FGF13: variants seen among roughly 807,000 people sequenced by gnomAD.
The protein encoded by FGF13 is fibroblast growth factor homologous factor 2.
A neutral mutation model predicts 19.5 loss-of-function variants in FGF13; 2 were observed. That is an observed-to-expected ratio of 0.10 (90% CI 0.04 to 0.32). The LOEUF (loss-of-function observed/expected upper bound fraction) is 0.32, where lower values mean the gene tolerates loss of function less well. FGF13 is among the 10% of genes least tolerant of loss of function. The pLI is 1.00. For synonymous variants in FGF13, 72 were observed against 76.9 expected (o/e 0.94, Z 0.33); for missense variants, 113 against 192.7 (o/e 0.59, Z 2.45).
At chrX:138,886,596 T>C (rs149604699) in intron 1 of FGF13, among the ~76,000 whole-genome samples, 5,096 of 111,750 alleles carry the variant, frequency 0.046, 306 homozygotes, top group African/African-American at 0.15. Flanking sequence ...CTTTCTCAGC[T>C]TTGTTTTCTC....
intron 3 of FGF13, among the ~76,000 whole-genome samples, chrX:138,831,784 A>G: frequency 9.0e-6 from 1 of 110,924 alleles, no homozygotes; most frequent in African/African-American, 3.3e-5. Flanking sequence ...TTCAGGTACT[A>G]AGCCAAGTAC....
intron 1 of FGF13, among the ~76,000 whole-genome samples, chrX:139,088,087 T>G (rs1159562452): frequency 9.0e-6 from 1 of 111,614 alleles, no homozygotes; most frequent in Non-Finnish European, 1.9e-5. Flanking sequence ...CCATTTGGAG[T>G]CTGACGTGAA....
intron 1 of FGF13, among the ~76,000 whole-genome samples, chrX:139,081,106 C>G (rs1603188336): frequency 9.0e-6 from 1 of 111,116 alleles, no homozygotes; most frequent in African/African-American, 3.3e-5. Flanking sequence ...CGTTTCCTCC[C>G]ATTCTCTTTT....
chrX:139,075,230 C>A (rs1445588356), intron 1 of FGF13, among the ~76,000 whole-genome samples: 2 of 111,696 alleles, frequency 1.8e-5, no homozygotes, highest in Admixed American at 9.5e-5. Flanking sequence ...CAGACTCTAT[C>A]TTCCCATTCT....
intron 3 of FGF13, among the ~76,000 whole-genome samples, chrX:138,680,684 T>C (rs1437945497): frequency 9.0e-6 from 1 of 111,712 alleles, no homozygotes; most frequent in Non-Finnish European, 1.9e-5. Flanking sequence ...ATTTATAGAT[T>C]AGAAGTAGAG....
chrX:139,182,551 T>C (rs903442266), intron 1 of FGF13, among the ~76,000 whole-genome samples: 11 of 112,147 alleles, frequency 9.8e-5, no homozygotes, highest in African/African-American at 3.2e-4. Flanking sequence ...CTGCAGGCTC[T>C]CCTGCTGATT....
intron 3 of FGF13, among the ~76,000 whole-genome samples, chrX:138,762,907 T>C (rs2090477405): frequency 1.8e-5 from 2 of 111,676 alleles, no homozygotes. Flanking sequence ...AGCCCAGGAA[T>C]GCTGGATCTC....
chrX:139,128,484 G>A (rs1370338376), intron 1 of FGF13, among the ~76,000 whole-genome samples: 1 of 111,990 alleles, frequency 8.9e-6, no homozygotes, highest in African/African-American at 3.2e-5. Flanking sequence ...TGTCTGGGGT[G>A]CCTGCTGTCT....
At chrX:139,016,015 A>G (rs1377213724) in intron 1 of FGF13, among the ~76,000 whole-genome samples, 1 of 111,565 alleles carries the variant, frequency 9.0e-6, no homozygotes, top group Non-Finnish European at 1.9e-5. Flanking sequence ...ATGCAAAAGA[A>G]TGAAACTAGA....
intron 1 of FGF13, among the ~76,000 whole-genome samples, chrX:139,055,880 C>T (rs1018849762): frequency 8.9e-6 from 1 of 112,561 alleles, no homozygotes; most frequent in Admixed American, 9.4e-5. Flanking sequence ...AATGTCTTAT[C>T]TTTCTTAGTG....
chrX:138,843,453 A>T (rs1274441397), intron 3 of FGF13, among the ~76,000 whole-genome samples: 1 of 112,292 alleles, frequency 8.9e-6, no homozygotes, highest in Non-Finnish European at 1.9e-5. Flanking sequence ...AGTATTGGAT[A>T]TGCTAAGGAA....
At chrX:139,016,337 A>C (rs1259977842) in intron 1 of FGF13, among the ~76,000 whole-genome samples, 2 of 111,663 alleles carry the variant, frequency 1.8e-5, no homozygotes, top group Non-Finnish European at 3.8e-5. Flanking sequence ...CTATTTTTGC[A>C]AATAGTGAAG....
chrX:138,776,412 C>T (rs1279073978), intron 3 of FGF13, among the ~76,000 whole-genome samples: 2 of 111,852 alleles, frequency 1.8e-5, no homozygotes, highest in Admixed American at 1.9e-4. Flanking sequence ...ATATTAAATG[C>T]ATTTTCAAAT....
At chrX:138,675,598 T>A (rs2089656893) in intron 3 of FGF13, among the ~76,000 whole-genome samples, 1 of 111,485 alleles carries the variant, frequency 9.0e-6, no homozygotes, top group Non-Finnish European at 1.9e-5. Context: ...TATTACAAAT[T>A]CTATTTACTA....
intron 3 of FGF13, among the ~76,000 whole-genome samples, chrX:138,759,199 G>A (rs1302287095): frequency 8.9e-6 from 1 of 112,244 alleles, no homozygotes; most frequent in Non-Finnish European, 1.9e-5. Context: ...ATGGCATCAC[G>A]TATCTGACAA....
chrX:139,004,685 G>A (rs1486770317), intron 1 of FGF13, among the ~76,000 whole-genome samples: 1 of 112,088 alleles, frequency 8.9e-6, no homozygotes, highest in Non-Finnish European at 1.9e-5. Context: ...GATGTGCCCT[G>A]GGCCAGAGAG....
intron 1 of FGF13, among the ~76,000 whole-genome samples, chrX:138,870,984 C>T (rs752955032): frequency 7.1e-5 from 8 of 111,966 alleles, no homozygotes; most frequent in Non-Finnish European, 1.5e-4. Flanking sequence ...TTAATTTTGG[C>T]CTAGGGAGAT....
intron 1 of FGF13, among the ~76,000 whole-genome samples, chrX:138,871,578 C>T (rs934024892): frequency 8.9e-6 from 1 of 112,308 alleles, no homozygotes; most frequent in Admixed American, 9.5e-5. Flanking sequence ...TGTCAATTAG[C>T]TTTCTGCTAT....
intron 1 of FGF13, among the ~76,000 whole-genome samples, chrX:139,079,289 G>A (rs2083354105): frequency 9.0e-6 from 1 of 111,315 alleles, no homozygotes. Context: ...GGAGCCAGGA[G>A]CAGGTCTCAG....
Sources: gnomAD v4.1 joint callset for allele counts (sites outside exome capture counted in the v4.1 genomes callset) on GRCh38, gnomAD v4.1.1 for gene constraint, MANE v1.5 for transcripts, NCBI Gene and HGNC (gene_info 2026-07-23, HGNC 2026-07-21) for gene names.